The following KAZN variants were observed in gnomAD, a reference collection of about 807,000 sequenced individuals.
KAZN encodes kazrin, periplakin interacting protein, also known as kazrin.
A neutral mutation model predicts 87.4 loss-of-function variants in KAZN; 40 were observed. The ratio of observed to expected loss-of-function variants is 0.46; its 90% confidence interval spans 0.36 to 0.60. The LOEUF is 0.60. KAZN is among the 20% of genes least tolerant of loss of function. The pLI, the probability that KAZN is intolerant of heterozygous loss-of-function variation, is 0.00. For synonymous variants in KAZN, 466 were observed against 458.3 expected (o/e 1.02, Z -0.22); for missense variants, 898 against 1,073.9 (o/e 0.84, Z 2.29).
chr1:14,030,542 G>A (rs565575963), intron 1 of KAZN, among the ~76,000 whole-genome samples: 4 of 151,568 alleles, frequency 2.6e-5, no homozygotes, highest in East Asian at 3.9e-4. Context: ...TAACTAACCC[G>A]CACAATGTGC....
intron 2 of KAZN, among the ~76,000 whole-genome samples, chr1:14,977,148 C>T (rs1665723073): frequency 6.6e-6 from 1 of 152,214 alleles, no homozygotes; most frequent in Non-Finnish European, 1.5e-5. Context: ...CGGTGATTCC[C>T]CTGGGAGGGG....
chr1:14,944,255 A>C, intron 1 of KAZN, among the ~76,000 whole-genome samples: 1 of 148,252 alleles, frequency 6.7e-6, no homozygotes, highest in African/African-American at 2.5e-5. Context: ...AGCAACTCAC[A>C]TTTTTCTGTG....
At chr1:14,719,489 G>A (rs1218060097) in intron 1 of KAZN, among the ~76,000 whole-genome samples, 1 of 152,196 alleles carries the variant, frequency 6.6e-6, no homozygotes, top group African/African-American at 2.4e-5. Flanking sequence ...GGGAGGGAGT[G>A]TAATTTTAAG....
intron 2 of KAZN, among the ~76,000 whole-genome samples, chr1:14,480,589 AT>A (rs1291998924): frequency 6.9e-6 from 1 of 144,868 alleles, no homozygotes; most frequent in Non-Finnish European, 1.5e-5. Context: ...TAATATTCAT[AT>A]TATATATTAT....
At chr1:14,223,364 G>A (rs1049402522) in intron 2 of KAZN, among the ~76,000 whole-genome samples, 1 of 152,184 alleles carries the variant, frequency 6.6e-6, no homozygotes, top group Admixed American at 6.5e-5. Flanking sequence ...TGTGATCCCA[G>A]TGCCAATGCC....
intron 1 of KAZN, among the ~76,000 whole-genome samples, chr1:14,721,610 G>C (rs1643112742): frequency 6.6e-6 from 1 of 152,228 alleles, no homozygotes; most frequent in African/African-American, 2.4e-5. Flanking sequence ...TCAATGCTGA[G>C]AGCAGGGGTA....
At chr1:14,870,196 C>G (rs1185908341) in intron 1 of KAZN, among the ~76,000 whole-genome samples, 2 of 152,166 alleles carry the variant, frequency 1.3e-5, no homozygotes, top group Non-Finnish European at 2.9e-5. Context: ...TGGGAAAAAT[C>G]AGACCCTTCT....
chr1:14,878,155 T>C (rs140427291), intron 1 of KAZN, among the ~76,000 whole-genome samples: 3 of 152,264 alleles, frequency 2.0e-5, no homozygotes, highest in Non-Finnish European at 2.9e-5. Context: ...CCCTCTAAAA[T>C]TGAATGATAA....
At chr1:14,543,950 A>G (rs1672968345) in intron 2 of KAZN, among the ~76,000 whole-genome samples, 1 of 152,242 alleles carries the variant, frequency 6.6e-6, no homozygotes. Context: ...GCCTATTAAG[A>G]CAATGAATGG....
rs61504616 is a variant in KAZN, at chr1:14,004,764, C to CATT, written c.91+111008_91+111009insATT. On this transcript the variant is annotated intron_variant, in intron 1 of 16. Transcript: ENST00000636203. ...CTCATGTTGGAGCTTACTTAATCTCCCTGGCAGTATTGAGAGATGGGGCCT... is the reference window on the plus strand; with the variant it reads ...CTCATGTTGGAGCTTACTTAATCTCCATTCTGGCAGTATTGAGAGATGGGGCCT... Among the ~76,000 whole-genome samples, 5 of 152,090 alleles carry CATT rather than the reference C, an allele frequency of 3.3e-5. 1 individual carries two copies. The South Asian group carries it at 1.0e-3, about 32-fold the overall frequency.
intron 2 of KAZN, among the ~76,000 whole-genome samples, chr1:14,977,270 A>G (rs1341730191): frequency 6.6e-6 from 1 of 152,186 alleles, no homozygotes; most frequent in East Asian, 1.9e-4. Context: ...TGAGTAAGCA[A>G]GGCTGGGAAA....
At chr1:15,102,875 G>A (rs1011372875) in intron 11 of KAZN, among the ~76,000 whole-genome samples, 6 of 152,216 alleles carry the variant, frequency 3.9e-5, no homozygotes, top group African/African-American at 7.2e-5. Flanking sequence ...ATGCCACGCC[G>A]AGGACAGGGA....
intron 2 of KAZN, among the ~76,000 whole-genome samples, chr1:14,433,924 G>A (rs755546389): frequency 3.9e-5 from 6 of 152,220 alleles, no homozygotes; most frequent in Non-Finnish European, 8.8e-5. Flanking sequence ...ACATGCACCA[G>A]GGAATGGCCA....
At chr1:14,870,690 C>T (rs920858500) in intron 1 of KAZN, among the ~76,000 whole-genome samples, 2 of 152,160 alleles carry the variant, frequency 1.3e-5, no homozygotes, top group South Asian at 4.1e-4. Context: ...TCATGAGCTG[C>T]TGTGATGCTT....
intron 1 of KAZN, among the ~76,000 whole-genome samples, chr1:14,174,786 A>G (rs187869808): frequency 6.6e-6 from 1 of 152,312 alleles, no homozygotes; most frequent in East Asian, 1.9e-4. Flanking sequence ...ATTTTTTTAC[A>G]TGCTTATCAT....
chr1:14,331,066 T>G (rs1656823627), intron 2 of KAZN, among the ~76,000 whole-genome samples: 1 of 152,188 alleles, frequency 6.6e-6, no homozygotes, highest in Non-Finnish European at 1.5e-5. Flanking sequence ...CAGCTAAGAT[T>G]TGCCCAATGG....
intron 1 of KAZN, among the ~76,000 whole-genome samples, chr1:13,922,191 C>T (rs1240489810): frequency 3.3e-5 from 5 of 152,104 alleles, no homozygotes; most frequent in African/African-American, 9.7e-5. Context: ...ATCCATGGCA[C>T]CAAGACTTGG....
chr1:14,656,545 T>A (rs141490183), intron 1 of KAZN, among the ~76,000 whole-genome samples: 59 of 152,282 alleles, frequency 3.9e-4, no homozygotes, highest in African/African-American at 1.4e-3. Flanking sequence ...TGAGACTGGG[T>A]CATTTCTAAA....
chr1:14,770,420 A>G (rs1406904979), intron 1 of KAZN, among the ~76,000 whole-genome samples: 2 of 152,184 alleles, frequency 1.3e-5, no homozygotes, highest in African/African-American at 4.8e-5. Flanking sequence ...GAATCAGTGT[A>G]ACTGGGTTGT....
Sources: allele counts gnomAD v4.1 joint callset (sites outside exome capture counted in the v4.1 genomes callset), GRCh38; gene constraint gnomAD v4.1.1; transcripts MANE v1.5; gene names NCBI Gene and HGNC (gene_info 2026-07-23, HGNC 2026-07-21).